The following PRKAR1B variants were observed in gnomAD, a reference collection of about 807,000 sequenced individuals.
The protein encoded by PRKAR1B is protein kinase cAMP-dependent type I regulatory subunit beta, also known as cAMP-dependent protein kinase type I-beta regulatory subunit.
PRKAR1B carries 22 observed loss-of-function variants against 46.5 expected under a neutral mutation model. The observed-to-expected ratio is 0.47, with a 90% CI of 0.34 to 0.68. The LOEUF (loss-of-function observed/expected upper bound fraction) is 0.68. Among genes scored for constraint, PRKAR1B ranks in the 30% least tolerant of loss-of-function variants. The pLI is 0.01. For missense variants in PRKAR1B, 445 were observed against 535.6 expected, an observed-to-expected ratio of 0.83 and a Z score of 1.67; for synonymous variants, 259 against 217.7, an observed-to-expected ratio of 1.19 and a Z score of -1.67.
chr7:693,267 A>C (rs1221673357), intron 2 of PRKAR1B, among the ~76,000 whole-genome samples: 1 of 149,706 alleles, frequency 6.7e-6, no homozygotes, highest in Non-Finnish European at 1.5e-5. Context: ...TTGAGGTAAA[A>C]GTCACATAAC....
At chr7:695,399 C>T (rs1432692147) in intron 2 of PRKAR1B, among the ~76,000 whole-genome samples, 4 of 152,204 alleles carry the variant, frequency 2.6e-5, no homozygotes, top group East Asian at 3.9e-4. Context: ...GTCCTGGGGT[C>T]GGGGTGGAAT....
intron 1 of PRKAR1B, among the ~76,000 whole-genome samples, chr7:715,868 A>G (rs973651044): frequency 4.6e-5 from 7 of 151,762 alleles, no homozygotes; most frequent in Non-Finnish European, 8.8e-5. Flanking sequence ...GGCGCCCGCC[A>G]CCGCGCCCGG....
intron 9 of PRKAR1B, among the ~76,000 whole-genome samples, chr7:578,310 C>T (rs1050292663): frequency 3.9e-5 from 6 of 152,240 alleles, no homozygotes; most frequent in African/African-American, 9.6e-5. Context: ...GCGGCCACCA[C>T]GGACTGCGGC....
rs990377999 is a variant in PRKAR1B at position 666,309 on chromosome 7, C to A, written c.440+10920G>T. ...GGCTGCTTCCCTGGGACACACGCTC[C>A]AGGGACAGCCTTCATGGTCCTGGCA... On this transcript the variant is annotated intron_variant, in intron 4 of 10. Coordinates refer to ENST00000537384, the MANE Select transcript of PRKAR1B (RefSeq NM_001164760.2). The surrounding 1 kb of genome is among the most constrained non-coding windows in gnomAD (Gnocchi z 4.9). Among the ~76,000 whole-genome samples, 2 of 149,572 alleles carry A rather than the reference C, an allele frequency of 1.3e-5. No individual in the cohort carries two copies. Among genetic ancestry groups the A allele is most frequent in the Non-Finnish European group, 2.9e-5 (2 of 67,906 alleles).
chr7:583,594 G>T (rs1278535853), intron 8 of PRKAR1B, among the ~76,000 whole-genome samples: 2 of 60,526 alleles, frequency 3.3e-5, no homozygotes, highest in Admixed American at 1.5e-4. Context: ...ACACTCCCAG[G>T]TGCACACACA....
chr7:574,374 G>A (rs905900398), intron 9 of PRKAR1B, among the ~76,000 whole-genome samples: 2 of 152,248 alleles, frequency 1.3e-5, no homozygotes, highest in Non-Finnish European at 2.9e-5. Flanking sequence ...AGCTCCAGCT[G>A]GGTAGGGCCA....
intron 4 of PRKAR1B, among the ~76,000 whole-genome samples, chr7:659,547 T>C (rs1302843808): frequency 1.3e-5 from 2 of 151,752 alleles, no homozygotes; most frequent in Admixed American, 6.6e-5. Context: ...TGGGAGCCAA[T>C]GGGGAGAGGA....
rs146646834 is a variant in PRKAR1B at position 592,816 on chromosome 7, T to G, written c.708+3330A>C. Among the ~76,000 whole-genome samples the G allele has an allele frequency of 5.9e-5, 9 of 152,296 alleles. No homozygotes were observed. The East Asian group carries it at 1.7e-3, about 29-fold the overall frequency. On this transcript the variant is annotated intron_variant, in intron 7 of 10. Transcript: ENST00000537384. ...GGGAGGCTGAGGCGGGAGGATCACT[T>G]GAGCCCAGGAGTCCAAGACCAGCCT...
At chr7:553,532 C>T (rs990509203) in intron 9 of PRKAR1B, among the ~76,000 whole-genome samples, 51 of 152,220 alleles carry the variant, frequency 3.4e-4, no homozygotes, top group Admixed American at 2.6e-4. Flanking sequence ...GGTCCGGAGA[C>T]GGCACCATCC....
chr7:726,977 G>A, intron 1 of PRKAR1B: 2 of 1,301,662 alleles, frequency 1.5e-6, no homozygotes, highest in Non-Finnish European at 2.0e-6. Flanking sequence ...CGCTGCCTGA[G>A]CGACCCCGCC....
chr7:693,811 G>A lies in PRKAR1B; in HGVS notation c.178-13085C>T, dbSNP rs116658472. 6.7e-3 allele frequency among the ~76,000 whole-genome samples: 1,019 copies of A among 152,262 alleles called. 12 individuals carry two copies. Among genetic ancestry groups the A allele is most frequent in the African/African-American group, 0.023 (959 of 41,530 alleles). ...TGGTCACTGCATGTTTAACTTTCCTGGGAAATGCCAAGCTTCCTTCCACTG... is the reference window on the plus strand; with the variant it reads ...TGGTCACTGCATGTTTAACTTTCCTAGGAAATGCCAAGCTTCCTTCCACTG... On this transcript the variant is annotated intron_variant, in intron 2 of 10. Coordinates refer to ENST00000537384, the MANE Select transcript of PRKAR1B (RefSeq NM_001164760.2).
chr7:636,761 G>A (rs1209247311), intron 4 of PRKAR1B, among the ~76,000 whole-genome samples: 5 of 152,332 alleles, frequency 3.3e-5, no homozygotes, highest in African/African-American at 1.2e-4. Context: ...GACGGGTCGG[G>A]TCCATCTCTC....
intron 1 of PRKAR1B, among the ~76,000 whole-genome samples, chr7:715,871 G>A (rs1364071134): frequency 6.7e-4 from 102 of 151,640 alleles, no homozygotes; most frequent in East Asian, 2.1e-3. Context: ...GCCCGCCACC[G>A]CGCCCGGCTA....
intron 4 of PRKAR1B, among the ~76,000 whole-genome samples, chr7:651,438 G>T (rs896134440): frequency 1.3e-5 from 2 of 152,200 alleles, no homozygotes; most frequent in African/African-American, 2.4e-5. Flanking sequence ...GACTCCCAGG[G>T]CCCTGTGTTA....
chr7:564,246 G>T (rs35990999), intron 9 of PRKAR1B, among the ~76,000 whole-genome samples: 2 of 152,146 alleles, frequency 1.3e-5, no homozygotes, highest in African/African-American at 4.8e-5. Flanking sequence ...CTGGATGGAC[G>T]GGAGGTGGGG....
intron 2 of PRKAR1B, among the ~76,000 whole-genome samples, chr7:702,674 T>A (rs928746558): frequency 5.3e-5 from 8 of 151,886 alleles, no homozygotes; most frequent in Non-Finnish European, 1.0e-4. Context: ...ATACAAAAAA[T>A]TTGCCGGGTG....
At chr7:640,096 C>G (rs1298466110) in intron 4 of PRKAR1B, among the ~76,000 whole-genome samples, 1 of 149,646 alleles carries the variant, frequency 6.7e-6, no homozygotes. Context: ...CCGGGAGGCG[C>G]AGGTTGCAGT....
intron 4 of PRKAR1B, among the ~76,000 whole-genome samples, chr7:612,134 TGGATGGATGTAA>T (rs1391089788): frequency 2.7e-4 from 35 of 130,562 alleles, no homozygotes; most frequent in Admixed American, 6.6e-4. Flanking sequence ...AATGGATGGA[TGGATGGATGTAA>T]GGATGGATGA....
chr7:689,843 C>T (rs1313694390), intron 2 of PRKAR1B, among the ~76,000 whole-genome samples: 2 of 151,978 alleles, frequency 1.3e-5, no homozygotes, highest in Non-Finnish European at 2.9e-5. Context: ...CCAAGCCTGG[C>T]TAATTTTTTT....
Sources: gnomAD v4.1 joint callset for allele counts (sites outside exome capture counted in the v4.1 genomes callset) on GRCh38, gnomAD v4.1.1 for gene constraint, Gnocchi (gnomAD v3.1) non-coding constraint, MANE v1.5 for transcripts, NCBI Gene and HGNC (gene_info 2026-07-23, HGNC 2026-07-21) for gene names.